The following COLEC12 variants were observed in gnomAD, a reference collection of about 807,000 sequenced individuals.
The protein encoded by COLEC12 is collectin-12.
A neutral mutation model predicts 71.1 loss-of-function variants in COLEC12; 33 were observed. That is an observed-to-expected ratio of 0.46 (90% confidence interval 0.35 to 0.62). The LOEUF (loss-of-function observed/expected upper bound fraction) is 0.62, where lower values mean the gene tolerates loss of function less well. Ranked by LOEUF, COLEC12 falls within the 20% of genes least tolerant of loss-of-function variation. The probability of loss-of-function intolerance (pLI) is 0.00; values close to 1 mark genes in which losing one functional copy is unlikely to be tolerated. For missense variants in COLEC12, 765 were observed against 916.1 expected, an observed-to-expected ratio of 0.84 and a Z score of 2.13; for synonymous variants, 350 against 353.0, an observed-to-expected ratio of 0.99 and a Z score of 0.10.
At chr18:367,643 T>G (rs574179041) in intron 2 of COLEC12, among the ~76,000 whole-genome samples, 1 of 152,258 alleles carries the variant, frequency 6.6e-6, no homozygotes, top group South Asian at 2.1e-4. Flanking sequence ...TCAATCGACT[T>G]GAAATGATCC....
intron 2 of COLEC12, among the ~76,000 whole-genome samples, chr18:471,916 C>G (rs989892076): frequency 3.3e-5 from 5 of 152,056 alleles, no homozygotes; most frequent in South Asian, 4.2e-4. Flanking sequence ...GGAAAGTAGA[C>G]AGAAGGCCCC....
At chr18:393,563 C>T (rs1915508033) in intron 2 of COLEC12, among the ~76,000 whole-genome samples, 1 of 152,202 alleles carries the variant, frequency 6.6e-6, no homozygotes, top group African/African-American at 2.4e-5. Context: ...CTGCAACATT[C>T]CTTGAATCTG....
intron 2 of COLEC12, among the ~76,000 whole-genome samples, chr18:412,078 A>T (rs62087998): frequency 6.6e-6 from 1 of 152,080 alleles, no homozygotes; most frequent in Non-Finnish European, 1.5e-5. Context: ...CACTTCCCAA[A>T]TTTGGCAAGA....
At chr18:491,243 AGT>A (rs1413148247) in intron 1 of COLEC12, among the ~76,000 whole-genome samples, 7 of 152,194 alleles carry the variant, frequency 4.6e-5, no homozygotes, top group Non-Finnish European at 1.0e-4. Context: ...TGGCTTCCAC[AGT>A]GTGTCACCTG....
chr18:447,851 G>C (rs1916683133), intron 2 of COLEC12, among the ~76,000 whole-genome samples: 1 of 152,164 alleles, frequency 6.6e-6, no homozygotes, highest in South Asian at 2.1e-4. Context: ...AATATATCAA[G>C]AATATAATCA....
chr18:386,786 A>G lies in COLEC12; in HGVS notation c.59-29264T>C, dbSNP rs191364380. Among the ~76,000 whole-genome samples the G allele has an allele frequency of 1.0e-3, 155 of 152,318 alleles. 1 individual carries two copies. Among genetic ancestry groups the G allele is most frequent in the African/African-American group, 3.6e-3 (149 of 41,564 alleles). On this transcript the variant is annotated intron_variant, in intron 2 of 9. Transcript: ENST00000400256. The stretch of plus-strand genomic sequence containing the variant: ...AAACTAAGTTGCTTATACTTCCTCA[A>G]ATATTCCTCAAGTATAAGCAACCTA...
chr18:320,013 A>C lies in COLEC12; in HGVS notation c.*32T>G. 7.0e-7 allele frequency: 1 copy of C among 1,429,540 alleles called. No homozygotes were observed. The highest frequency in any genetic ancestry group is 9.7e-7 in the Non-Finnish European group (1 of 1,033,408). 88.6% of individuals were successfully genotyped at this position (1,429,540 alleles called of 1,614,324 possible). On this transcript the variant is annotated 3_prime_UTR_variant, in exon 10 of 10. Transcript: ENST00000400256. Reference sequence around the variant, plus strand: ...GAGTGTCCTTTGCCTTTGAGAGCTGAAAATTTGCTCATGTGATCCCATCAC... The same window carrying C: ...GAGTGTCCTTTGCCTTTGAGAGCTGCAAATTTGCTCATGTGATCCCATCAC...
intron 8 of COLEC12, among the ~76,000 whole-genome samples, chr18:326,614 G>T (rs1464594233): frequency 6.6e-6 from 1 of 152,122 alleles, no homozygotes; most frequent in Admixed American, 6.5e-5. Flanking sequence ...CCCCCAAAGT[G>T]TTGGGATTAC....
intron 2 of COLEC12, among the ~76,000 whole-genome samples, chr18:441,817 C>G (rs1416475567): frequency 6.6e-6 from 1 of 151,144 alleles, no homozygotes; most frequent in African/African-American, 2.5e-5. Context: ...GGCAACATGG[C>G]AAAACCCTGC....
chr18:445,631 T>A (rs965281141), intron 2 of COLEC12, among the ~76,000 whole-genome samples: 4 of 75,544 alleles, frequency 5.3e-5, no homozygotes, highest in Non-Finnish European at 7.7e-5. Context: ...AAACCACTAA[T>A]CCACTTTTTT....
chr18:497,646 T>C (rs1917738403), intron 1 of COLEC12, among the ~76,000 whole-genome samples: 1 of 152,204 alleles, frequency 6.6e-6, no homozygotes, highest in Non-Finnish European at 1.5e-5. Context: ...GTGATCCGCC[T>C]GCCTCAGCCT....
rs1917799042 is a variant in COLEC12 at position 500,395 on chromosome 18, C to T, written c.7+113G>A. Reference sequence around the variant, plus strand: ...CCCGGCGCCCTGGCAGCCCCGACTCCCCGGGCCCGCAGCCCAAGGGAAGGT... The same window carrying T: ...CCCGGCGCCCTGGCAGCCCCGACTCTCCGGGCCCGCAGCCCAAGGGAAGGT... On this transcript the variant is annotated intron_variant, in intron 1 of 9. Coordinates refer to ENST00000400256, the MANE Select transcript of COLEC12 (RefSeq NM_130386.3). The surrounding 1 kb of genome is among the most constrained non-coding windows in gnomAD (Gnocchi z 5.3). 1.3e-6 allele frequency: 1 copy of T among 755,448 alleles called. No individual in the cohort carries two copies. Among genetic ancestry groups the T allele is most frequent in the African/African-American group, 1.8e-5 (1 of 54,572 alleles). 46.8% of individuals were successfully genotyped at this position (755,448 alleles called of 1,614,324 possible).
intron 8 of COLEC12, among the ~76,000 whole-genome samples, chr18:328,247 A>G (rs1269450577): frequency 6.6e-6 from 1 of 152,118 alleles, no homozygotes; most frequent in African/African-American, 2.4e-5. Flanking sequence ...GCGGCAGGGG[A>G]AAGGGAGGTG....
At chr18:374,783 A>C (rs1276735438) in intron 2 of COLEC12, among the ~76,000 whole-genome samples, 1 of 152,142 alleles carries the variant, frequency 6.6e-6, no homozygotes, top group Non-Finnish European at 1.5e-5. Flanking sequence ...ACTGGCCCCA[A>C]TAACTAACTC....
chr18:487,096 A>G (rs927021509), intron 1 of COLEC12, among the ~76,000 whole-genome samples: 77 of 152,380 alleles, frequency 5.1e-4, no homozygotes, highest in African/African-American at 1.8e-3. Context: ...TGATAAATGG[A>G]TAAACTGTGG....
At chr18:487,030 C>T (rs1448032604) in intron 1 of COLEC12, among the ~76,000 whole-genome samples, 1 of 152,110 alleles carries the variant, frequency 6.6e-6, no homozygotes, top group Non-Finnish European at 1.5e-5. Flanking sequence ...ATGTTTGTAG[C>T]AGCATTATTC....
At chr18:355,043 C>CCATG (rs202099845) in intron 3 of COLEC12, among the ~76,000 whole-genome samples, 1,616 of 148,042 alleles carry the variant, frequency 0.011, 33 homozygotes, top group African/African-American at 0.036. Context: ...ATCAATCCAT[C>CCATG]CATGCATCCA....
chr18:442,006 C>CT (rs1916549568), intron 2 of COLEC12, among the ~76,000 whole-genome samples: 1 of 23,298 alleles, frequency 4.3e-5, no homozygotes, highest in Admixed American at 3.9e-4. Context: ...TCTCTCTACA[C>CT]ACACACACAC....
At position 417,782 on chromosome 18, in the gene COLEC12, G is replaced by C. The variant is rs574925839; in HGVS notation, c.59-60260C>G. ...GTAGCAACTGATTTCACATGCATCA[G>C]GAGAAATCGTAACAGTATTAGTTCT... On this transcript the variant is annotated intron_variant, in intron 2 of 9. Coordinates refer to ENST00000400256, the MANE Select transcript of COLEC12 (RefSeq NM_130386.3). 2.0e-5 allele frequency among the ~76,000 whole-genome samples: 3 copies of C among 152,360 alleles called. No homozygotes were observed. In the South Asian group the frequency reaches 6.2e-4, roughly 32 times the overall value.
Sources: allele counts gnomAD v4.1 joint callset (sites outside exome capture counted in the v4.1 genomes callset), GRCh38; gene constraint gnomAD v4.1.1; non-coding constraint Gnocchi (gnomAD v3.1); transcripts MANE v1.5; gene names NCBI Gene and HGNC (gene_info 2026-07-23, HGNC 2026-07-21).